The following LINGO1 variants were observed in gnomAD, a reference collection of about 807,000 sequenced individuals.
LINGO1 encodes leucine-rich repeat and immunoglobulin-like domain-containing nogo receptor-interacting protein 1.
Under a neutral mutation model 37.3 loss-of-function variants are expected in LINGO1, and 11 were observed. The ratio of observed to expected loss-of-function variants is 0.29; its 90% CI spans 0.19 to 0.49. The LOEUF (loss-of-function observed/expected upper bound fraction) is 0.49, where lower values mean the gene tolerates loss of function less well. Among genes scored for constraint, LINGO1 ranks in the 20% least tolerant of loss-of-function variants. LINGO1 has a pLI of 0.99. For synonymous variants in LINGO1, 387 were observed against 403.0 expected (o/e 0.96, Z 0.48); for missense variants, 585 against 878.2 (o/e 0.67, Z 4.22).
intron 3 of LINGO1, among the ~76,000 whole-genome samples, chr15:77,660,654 C>G (rs140083205): frequency 2.0e-5 from 3 of 152,322 alleles, no homozygotes; most frequent in Non-Finnish European, 2.9e-5. Flanking sequence ...GAAATTCATT[C>G]GGGCTAGTGG....
At chr15:77,810,109 G>A (rs1238422109) in intron 1 of LINGO1, among the ~76,000 whole-genome samples, 2 of 151,944 alleles carry the variant, frequency 1.3e-5, no homozygotes, top group African/African-American at 4.8e-5. Flanking sequence ...GCTCACTATG[G>A]ACAGGAGACC....
chr15:77,697,550 G>A (rs1244891122), upstream of LINGO1, among the ~76,000 whole-genome samples: 2 of 152,156 alleles, frequency 1.3e-5, no homozygotes, highest in Non-Finnish European at 2.9e-5. Flanking sequence ...CACAGCCTGG[G>A]GGAGCTGCCA....
chr15:77,733,563 T>C (rs1052313198), intron 2 of LINGO1, among the ~76,000 whole-genome samples: 11 of 151,832 alleles, frequency 7.2e-5, no homozygotes, highest in South Asian at 2.1e-4. Context: ...GATAGACCCA[T>C]GGAACCTGGA....
intron 3 of LINGO1, chr15:77,646,593 GC>G (rs2074635898): frequency 5.9e-6 from 2 of 340,062 alleles, no homozygotes; most frequent in South Asian, 4.6e-5. Flanking sequence ...CCAGGGGCCA[GC>G]CTCTCTCCTT....
At chr15:77,814,649 G>A (rs1282349731) in intron 1 of LINGO1, among the ~76,000 whole-genome samples, 1 of 152,180 alleles carries the variant, frequency 6.6e-6, no homozygotes, top group African/African-American at 2.4e-5. Context: ...TGACACCCAT[G>A]AGGAAAGTGA....
intron 3 of LINGO1, chr15:77,651,466 C>T (rs2074756894): frequency 6.6e-6 from 1 of 152,138 alleles, no homozygotes; most frequent in African/African-American, 2.4e-5. Flanking sequence ...TTCTGGCAAC[C>T]GAAATCTGGA....
upstream of LINGO1, chr15:77,787,175 C>G (rs1450693650): frequency 6.6e-6 from 1 of 152,334 alleles, no homozygotes; most frequent in Non-Finnish European, 1.5e-5. Flanking sequence ...CACAGCATAG[C>G]AGGTGTGGCA....
chr15:77,715,259 C>A (rs181441620), intron 2 of LINGO1, among the ~76,000 whole-genome samples: 1 of 152,348 alleles, frequency 6.6e-6, no homozygotes, highest in Non-Finnish European at 1.5e-5. Flanking sequence ...AGCGTGGGCC[C>A]AGCAGGCAGC....
At chr15:77,704,998 C>CCCAT (rs1289587615) in intron 2 of LINGO1, among the ~76,000 whole-genome samples, 30 of 152,228 alleles carry the variant, frequency 2.0e-4, no homozygotes, top group Admixed American at 1.8e-3. Flanking sequence ...TGGCCAGGCT[C>CCCAT]CCATCTCCTT....
intron 1 of LINGO1, among the ~76,000 whole-genome samples, chr15:77,783,885 C>G (rs1276313173): frequency 6.6e-6 from 1 of 152,174 alleles, no homozygotes; most frequent in East Asian, 1.9e-4. Context: ...ATACAGGAAG[C>G]CTTTCTCCGT....
chr15:77,810,504 T>A (rs983267963), intron 1 of LINGO1, among the ~76,000 whole-genome samples: 1 of 152,160 alleles, frequency 6.6e-6, no homozygotes, highest in Non-Finnish European at 1.5e-5. Context: ...GGAGCACTAG[T>A]GGGTCCTGAA....
intron 2 of LINGO1, among the ~76,000 whole-genome samples, chr15:77,714,163 C>T (rs940324598): frequency 4.6e-5 from 7 of 152,170 alleles, no homozygotes; most frequent in East Asian, 3.9e-4. Context: ...ATGACCGCAG[C>T]GGCTCAAGCC....
At chr15:77,795,093 C>T (rs1440255149) in intron 2 of LINGO1, among the ~76,000 whole-genome samples, 2 of 152,178 alleles carry the variant, frequency 1.3e-5, no homozygotes, top group African/African-American at 2.4e-5. Context: ...CCCACCCCAC[C>T]GTTCCCTCTG....
intron 1 of LINGO1, among the ~76,000 whole-genome samples, chr15:77,631,406 G>A (rs1304798244): frequency 6.6e-6 from 1 of 152,122 alleles, no homozygotes; most frequent in Non-Finnish European, 1.5e-5. Flanking sequence ...AAGAGGAGGT[G>A]CAGGCACAGT....
At chr15:77,689,397 GC>G (rs1186534010) in intron 2 of LINGO1, among the ~76,000 whole-genome samples, 1 of 152,206 alleles carries the variant, frequency 6.6e-6, no homozygotes, top group Non-Finnish European at 1.5e-5. Flanking sequence ...AGGGTAGGCT[GC>G]CCAGATGCCC....
At chr15:77,629,734 T>A (rs1446492517) in intron 1 of LINGO1, among the ~76,000 whole-genome samples, 1 of 152,154 alleles carries the variant, frequency 6.6e-6, no homozygotes, top group African/African-American at 2.4e-5. Flanking sequence ...GGAAGGGTAC[T>A]AGGATTGCTC....
chr15:77,808,510 G>A (rs1314531302), intron 1 of LINGO1, among the ~76,000 whole-genome samples: 2 of 152,120 alleles, frequency 1.3e-5, no homozygotes, highest in African/African-American at 4.8e-5. Context: ...CCTTCACCTG[G>A]ACTTTTGCTG....
chr15:77,722,196 G>C (rs957610240), intron 2 of LINGO1, among the ~76,000 whole-genome samples: 2 of 93,912 alleles, frequency 2.1e-5, no homozygotes, highest in Non-Finnish European at 4.8e-5. Context: ...AAATGGCCCG[G>C]TAAAGCTCAG....
intron 2 of LINGO1, among the ~76,000 whole-genome samples, chr15:77,731,353 G>A (rs1437932994): frequency 6.6e-6 from 1 of 152,144 alleles, no homozygotes; most frequent in African/African-American, 2.4e-5. Context: ...GCACACACAT[G>A]CACATCCAGA....
Sources: gnomAD v4.1 joint callset for allele counts (sites outside exome capture counted in the v4.1 genomes callset) on GRCh38, gnomAD v4.1.1 for gene constraint, MANE v1.5 for transcripts, NCBI Gene and HGNC (gene_info 2026-07-23, HGNC 2026-07-21) for gene names.